Variants in MAD1L1 observed in about 807,000 individuals in gnomAD.
MAD1L1 encodes the protein mitotic arrest deficient 1 like 1.
In MAD1L1, 95 loss-of-function variants were observed where a neutral mutation model predicts 96.9. The observed-to-expected ratio is 0.98, with a 90% CI of 0.83 to 1.16. The LOEUF is 1.16. Among genes scored for constraint, MAD1L1 ranks in the 50% most tolerant of loss-of-function variants. The pLI is 0.00. For synonymous variants in MAD1L1, 473 were observed against 396.6 expected, an observed-to-expected ratio of 1.19 and a Z score of -2.29; for missense variants, 1,007 against 954.4, an observed-to-expected ratio of 1.06 and a Z score of -0.73.
intron 12 of MAD1L1, among the ~76,000 whole-genome samples, chr7:2,066,507 G>A (rs894028146): frequency 6.6e-6 from 1 of 152,254 alleles, no homozygotes; most frequent in African/African-American, 2.4e-5. Context: ...CTAACACAGA[G>A]CAGGCCCGCG....
intron 18 of MAD1L1, among the ~76,000 whole-genome samples, chr7:1,830,405 T>A (rs992204169): frequency 7.9e-5 from 12 of 151,286 alleles, no homozygotes; most frequent in Non-Finnish European, 1.2e-4. Flanking sequence ...TCAAAAAAAA[T>A]AAATAAAAAT....
At chr7:1,871,778 A>C (rs372753873) in intron 18 of MAD1L1, among the ~76,000 whole-genome samples, 11 of 152,214 alleles carry the variant, frequency 7.2e-5, no homozygotes, top group African/African-American at 2.4e-4. Flanking sequence ...TACGCCTGCC[A>C]CTCTGAACTC....
chr7:1,849,504 G>C (rs1379561645), intron 18 of MAD1L1: 1 of 152,284 alleles, frequency 6.6e-6, no homozygotes, highest in Non-Finnish European at 1.5e-5. Flanking sequence ...GGGGTGCTCA[G>C]GGCTGTCTGC....
At chr7:2,077,097 C>CGCGGCATGGTGAGCCCGAGATGGTT (rs1562664218) in intron 11 of MAD1L1, among the ~76,000 whole-genome samples, 7 of 138,372 alleles carry the variant, frequency 5.1e-5, no homozygotes, top group Non-Finnish European at 9.2e-5. Context: ...TTGGTGAGCC[C>CGCGGCATGGTGAGCCCGAGATGGTT]GCGGCATGGT....
chr7:1,855,164 C>A (rs778723436), intron 18 of MAD1L1, among the ~76,000 whole-genome samples: 3 of 152,160 alleles, frequency 2.0e-5, no homozygotes. Context: ...AAGTCCAAGT[C>A]GACAGCCTCC....
intron 16 of MAD1L1, among the ~76,000 whole-genome samples, chr7:1,939,314 T>TACACACACACATAC (rs1450418841): frequency 1.8e-5 from 2 of 114,278 alleles, no homozygotes; most frequent in African/African-American, 6.9e-5. Flanking sequence ...CGCACACACA[T>TACACACACACATAC]ACACACACAC....
At chr7:2,011,402 T>C (rs998389866) in intron 13 of MAD1L1, among the ~76,000 whole-genome samples, 2 of 152,070 alleles carry the variant, frequency 1.3e-5, no homozygotes, top group Non-Finnish European at 2.9e-5. Flanking sequence ...ACATGCTTAG[T>C]TCCCAGAGTT....
chr7:2,012,205 T>G (rs1782335230), intron 13 of MAD1L1, among the ~76,000 whole-genome samples: 1 of 152,166 alleles, frequency 6.6e-6, no homozygotes, highest in Non-Finnish European at 1.5e-5. Context: ...ATCTGGTCAA[T>G]GAGTCCTGAG....
chr7:2,113,525 A>C (rs1225196134), intron 11 of MAD1L1, among the ~76,000 whole-genome samples: 1 of 152,198 alleles, frequency 6.6e-6, no homozygotes, highest in East Asian at 1.9e-4. Context: ...GGTTGCAGTG[A>C]GCCAAGATTA....
intron 16 of MAD1L1, among the ~76,000 whole-genome samples, chr7:1,945,400 G>A (rs1779183614): frequency 6.6e-6 from 1 of 152,348 alleles, no homozygotes; most frequent in South Asian, 2.1e-4. Context: ...GTGCTCCTGG[G>A]GCTTAAACCA....
intron 7 of MAD1L1, 136 bp from the exon 8 acceptor site, chr7:2,216,423 T>C (rs1793284947): frequency 2.3e-6 from 2 of 860,018 alleles, no homozygotes; most frequent in Non-Finnish European, 3.5e-6. Context: ...CCACAGGACG[T>C]TCTGGGAAAG....
intron 18 of MAD1L1, among the ~76,000 whole-genome samples, chr7:1,897,126 A>G (rs1786925743): frequency 6.6e-6 from 1 of 152,266 alleles, no homozygotes; most frequent in African/African-American, 2.4e-5. Context: ...GGCTGTGAAG[A>G]CGGGCGGGTT....
At chr7:2,002,462 G>A (rs939941547) in intron 13 of MAD1L1, among the ~76,000 whole-genome samples, 1 of 152,218 alleles carries the variant, frequency 6.6e-6, no homozygotes, top group Non-Finnish European at 1.5e-5. Flanking sequence ...ACTGGGGAGA[G>A]ACGGAGGGAA....
rs772098989 is a variant in MAD1L1, at chr7:2,099,220, A to G, written c.1074-29882T>C. On this transcript the variant is annotated intron_variant, in intron 11 of 18. Coordinates refer to ENST00000265854, the MANE Select transcript of MAD1L1 (RefSeq NM_001013836.2). Reference sequence around the variant, plus strand: ...AGACTCCACCCCGACCGCCAGGTCAACATGCAGCAGCCACAGCCTGTCTCA... The same window carrying G: ...AGACTCCACCCCGACCGCCAGGTCAGCATGCAGCAGCCACAGCCTGTCTCA... Among the ~76,000 whole-genome samples, 47 of 152,310 alleles carry G rather than the reference A, an allele frequency of 3.1e-4. 1 individual carries two copies. The highest frequency in any genetic ancestry group is 3.4e-3 in the Middle Eastern group (1 of 294).
At position 2,078,582 on chromosome 7, in the gene MAD1L1, G is replaced by A. The variant is rs367584074; in HGVS notation, c.1074-9244C>T. Among the ~76,000 whole-genome samples the A allele has an allele frequency of 1.5e-4, 23 of 152,382 alleles. No individual in the cohort carries two copies. In the East Asian group the frequency reaches 3.9e-3, roughly 26 times the overall value. On this transcript the variant is annotated intron_variant, in intron 11 of 18. Coordinates refer to ENST00000265854, the MANE Select transcript of MAD1L1 (RefSeq NM_001013836.2). ...AGAAAGCAGAGGAGGCTGGCGGCCA[G>A]GGCCCCTCCATGTCTGAACTCGGAG...
At chr7:2,155,113 A>G (rs1789762567) in intron 10 of MAD1L1, among the ~76,000 whole-genome samples, 1 of 152,080 alleles carries the variant, frequency 6.6e-6, no homozygotes, top group Non-Finnish European at 1.5e-5. Flanking sequence ...GTGGCCTGGC[A>G]AGAAGGCTTG....
chr7:2,023,112 T>C (rs1428373421), intron 12 of MAD1L1, among the ~76,000 whole-genome samples: 1 of 152,136 alleles, frequency 6.6e-6, no homozygotes, highest in African/African-American at 2.4e-5. Context: ...CACCCTCTTA[T>C]CAGAAACGGA....
In MAD1L1 at chr7:2,076,500, G is replaced by A. The variant is rs140481142; in HGVS notation, c.1074-7162C>T. 3.8e-3 allele frequency among the ~76,000 whole-genome samples: 576 copies of A among 152,308 alleles called. 7 individuals are homozygous for A. Among genetic ancestry groups the A allele is most frequent in the Admixed American group, 6.8e-3 (104 of 15,306 alleles). ...GAAACGGACGTCTGTTCAGATCCCC[G>A]ACTATGGTACTTTGTTAAGTGAGCC... On this transcript the variant is annotated intron_variant, in intron 11 of 18. Transcript: ENST00000265854.
chr7:1,926,607 C>T (rs1258168163), intron 17 of MAD1L1, among the ~76,000 whole-genome samples: 1 of 152,134 alleles, frequency 6.6e-6, no homozygotes, highest in Non-Finnish European at 1.5e-5. Context: ...CTGTCAATCA[C>T]ACTAACGGTG....
Sources: allele counts gnomAD v4.1 joint callset (sites outside exome capture counted in the v4.1 genomes callset), GRCh38; gene constraint gnomAD v4.1.1; transcripts MANE v1.5; gene names NCBI Gene and HGNC (gene_info 2026-07-23, HGNC 2026-07-21).